SCOC: variants seen among roughly 807,000 people sequenced by gnomAD.
The protein encoded by SCOC is short coiled-coil protein.
A neutral mutation model predicts 9.9 loss-of-function variants in SCOC; 7 were observed. The ratio of observed to expected loss-of-function variants is 0.71; its 90% CI spans 0.40 to 1.33. SCOC has a LOEUF of 1.33. Among genes scored for constraint, SCOC ranks in the 40% most tolerant of loss-of-function variants. The pLI, the probability that SCOC is intolerant of heterozygous loss-of-function variation, is 0.01. For missense variants in SCOC, 66 were observed against 89.7 expected (o/e 0.74, Z 1.07); for synonymous variants, 19 against 28.2 (o/e 0.67, Z 1.03).
chr4:140,304,192 G>A (rs1331128599), intron 1 of SCOC, among the ~76,000 whole-genome samples: 2 of 152,192 alleles, frequency 1.3e-5, no homozygotes, highest in Non-Finnish European at 2.9e-5. Context: ...GGAAGCATAT[G>A]GCGCTGGGCA....
chr4:140,336,078 G>C (rs988916499), intron 1 of SCOC, among the ~76,000 whole-genome samples: 2 of 152,048 alleles, frequency 1.3e-5, no homozygotes, highest in Admixed American at 1.3e-4. Flanking sequence ...TGGTACACTA[G>C]TCTTCCGTTG....
intron 1 of SCOC, chr4:140,285,279 C>CA (rs1731233250): frequency 2.2e-6 from 1 of 456,424 alleles, no homozygotes. Flanking sequence ...CTTAAGGAGC[C>CA]AAAAGAGAGA....
chr4:140,333,275 T>A (rs1578819617), intron 1 of SCOC, among the ~76,000 whole-genome samples: 2 of 152,272 alleles, frequency 1.3e-5, no homozygotes, highest in East Asian at 3.9e-4. Context: ...CTGTGTGCCT[T>A]ACCCTGCAAT....
chr4:140,272,648 T>A (rs542825689), intron 1 of SCOC, among the ~76,000 whole-genome samples: 1 of 152,332 alleles, frequency 6.6e-6, no homozygotes, highest in South Asian at 2.1e-4. Flanking sequence ...TAGCTCTTTG[T>A]TGAATGAAGC....
At chr4:140,377,551 T>G (rs1396296198) in intron 1 of SCOC, among the ~76,000 whole-genome samples, 2 of 152,200 alleles carry the variant, frequency 1.3e-5, no homozygotes, top group Non-Finnish European at 2.9e-5. Context: ...ACAAGGGATA[T>G]TTCATATTTT....
intron 1 of SCOC, among the ~76,000 whole-genome samples, chr4:140,282,032 A>C (rs1348701507): frequency 6.6e-6 from 1 of 152,230 alleles, no homozygotes; most frequent in African/African-American, 2.4e-5. Context: ...ATGATGTTTC[A>C]GGAAAGCAAT....
At chr4:140,328,947 C>A (rs1226657745) in intron 1 of SCOC, among the ~76,000 whole-genome samples, 2 of 152,140 alleles carry the variant, frequency 1.3e-5, no homozygotes, top group African/African-American at 4.8e-5. Flanking sequence ...CCAGAAAAAA[C>A]AATCCTAAAA....
At chr4:140,364,655 G>A (rs1348111960) in intron 2 of SCOC, among the ~76,000 whole-genome samples, 4 of 152,146 alleles carry the variant, frequency 2.6e-5, no homozygotes, top group Non-Finnish European at 5.9e-5. Flanking sequence ...AACATCAGCT[G>A]CCAGTCTTAA....
chr4:140,352,337 A>G (rs990354652), intron 2 of SCOC, among the ~76,000 whole-genome samples: 3 of 152,332 alleles, frequency 2.0e-5, no homozygotes, highest in South Asian at 4.1e-4. Flanking sequence ...TGGGATCCAT[A>G]TAAGTATGGA....
chr4:140,373,280 TCTC>T, upstream of SCOC: 1 of 1,337,754 alleles, frequency 7.5e-7, no homozygotes, highest in Non-Finnish European at 9.6e-7. Context: ...CTGAATGACT[TCTC>T]TGTCGCTCAT....
chr4:140,367,103 G>A (rs924374817), intron 2 of SCOC, among the ~76,000 whole-genome samples: 2 of 151,926 alleles, frequency 1.3e-5, no homozygotes, highest in African/African-American at 4.8e-5. Flanking sequence ...TTGCTCGGGA[G>A]GCTGAGGAGG....
intron 1 of SCOC, chr4:140,291,606 T>C: frequency 4.6e-6 from 2 of 439,432 alleles, no homozygotes; most frequent in Non-Finnish European, 4.6e-6. Context: ...CCTTTCTCGG[T>C]CACCAAATCA....
chr4:140,308,672 G>C (rs13101760), intron 1 of SCOC, among the ~76,000 whole-genome samples: 61,757 of 152,060 alleles, frequency 0.41, 15,193 homozygotes, highest in African/African-American at 0.7. Context: ...CACATTCACT[G>C]AGAGTTGATG....
chr4:140,287,044 CTA>C (rs1731293370), intron 1 of SCOC, among the ~76,000 whole-genome samples: 1 of 151,572 alleles, frequency 6.6e-6, no homozygotes. Context: ...TACACACACT[CTA>C]CACACACATC....
chr4:140,339,951 G>A (rs949600221), upstream of SCOC, among the ~76,000 whole-genome samples: 2 of 152,290 alleles, frequency 1.3e-5, no homozygotes, highest in African/African-American at 4.8e-5. Flanking sequence ...CCATTACTGG[G>A]TATATACCCA....
intron 2 of SCOC, among the ~76,000 whole-genome samples, chr4:140,360,245 G>C (rs1384246306): frequency 6.6e-6 from 1 of 152,176 alleles, no homozygotes; most frequent in Admixed American, 6.5e-5. Flanking sequence ...GGAAATAGAA[G>C]CTGATTTTGA....
intron 1 of SCOC, among the ~76,000 whole-genome samples, chr4:140,289,063 A>G (rs1031845250): frequency 2.0e-5 from 3 of 152,080 alleles, no homozygotes; most frequent in African/African-American, 7.2e-5. Flanking sequence ...TCACACACAG[A>G]CCATTAACAC....
intron 2 of SCOC, among the ~76,000 whole-genome samples, chr4:140,367,386 TA>T (rs1727850074): frequency 1.3e-5 from 2 of 152,186 alleles, no homozygotes; most frequent in Admixed American, 6.5e-5. Flanking sequence ...AAAGCCAGAT[TA>T]TTTTTTTTTT....
At chr4:140,294,941 G>A (rs555539789) in intron 1 of SCOC, among the ~76,000 whole-genome samples, 119 of 152,264 alleles carry the variant, frequency 7.8e-4, no homozygotes, top group Non-Finnish European at 1.4e-3. Context: ...TTTACACATT[G>A]TGCATAAGTG....
Sources: gnomAD v4.1 joint callset for allele counts (sites outside exome capture counted in the v4.1 genomes callset) on GRCh38, gnomAD v4.1.1 for gene constraint, MANE v1.5 for transcripts, NCBI Gene and HGNC (gene_info 2026-07-23, HGNC 2026-07-21) for gene names.